MOCOS: variants seen among roughly 807,000 people sequenced by gnomAD.
MOCOS encodes the protein molybdenum cofactor sulfurase, also known as human molybdenum cofactor sulfurase.
MOCOS carries 86 observed loss-of-function variants against 83.6 expected under a neutral mutation model. The observed-to-expected ratio is 1.03, with a 90% confidence interval of 0.86 to 1.23. The LOEUF (loss-of-function observed/expected upper bound fraction) is 1.23. Among genes scored for constraint, MOCOS ranks in the 50% most tolerant of loss-of-function variants. The probability of loss-of-function intolerance (pLI) is 0.00; values close to 1 mark genes in which losing one functional copy is unlikely to be tolerated. For missense variants in MOCOS, 1,120 were observed against 1,126.9 expected, an observed-to-expected ratio of 0.99 and a Z score of 0.09; for synonymous variants, 445 against 434.7, an observed-to-expected ratio of 1.02 and a Z score of -0.29.
intron 9 of MOCOS, among the ~76,000 whole-genome samples, chr18:36,243,366 TAATCACA>T (rs1476131705): frequency 6.6e-6 from 1 of 152,200 alleles, no homozygotes; most frequent in Non-Finnish European, 1.5e-5. Flanking sequence ...TCTATTGAGA[TAATCACA>T]TGATTTTTGT....
At chr18:36,209,029 T>C (rs989995452) in intron 6 of MOCOS, among the ~76,000 whole-genome samples, 1 of 152,218 alleles carries the variant, frequency 6.6e-6, no homozygotes, top group African/African-American at 2.4e-5. Flanking sequence ...TATAAGCCTT[T>C]TCTGTGTCTA....
intron 6 of MOCOS, among the ~76,000 whole-genome samples, chr18:36,206,693 GT>G (rs2091436262): frequency 6.6e-6 from 1 of 152,158 alleles, no homozygotes; most frequent in African/African-American, 2.4e-5. Flanking sequence ...TTGTGTCCAT[GT>G]GTACTCAATG....
intron 6 of MOCOS, among the ~76,000 whole-genome samples, chr18:36,211,061 G>A (rs574429473): frequency 9.2e-5 from 14 of 151,934 alleles, no homozygotes; most frequent in Admixed American, 2.6e-4. Flanking sequence ...TTGTGTGAAT[G>A]GATTCTGTGG....
Position 36,198,633 on chromosome 18 carries a change from C to T in MOCOS, c.233-57C>T, listed in dbSNP as rs942172497. ...ACTGAGGGAGTGGATTCAGAAGGAA[C>T]ACAAAAGAAGCGACCCTAAGTAGTG... On this transcript the variant is annotated intron_variant, in intron 2 of 14. Transcript: ENST00000261326. 7 of 1,557,306 alleles carry T rather than the reference C, an allele frequency of 4.5e-6. No homozygotes were observed. The African/African-American group carries it at 9.5e-5, about 21-fold the overall frequency.
chr18:36,190,869 T>C (rs2091362255), intron 1 of MOCOS, among the ~76,000 whole-genome samples: 1 of 151,864 alleles, frequency 6.6e-6, no homozygotes, highest in Admixed American at 6.6e-5. Context: ...ACCCAGTCTC[T>C]ACTAAAAATA....
At chr18:36,254,454 ATC>A (rs1278501632) in intron 11 of MOCOS, among the ~76,000 whole-genome samples, 1,202 of 98,846 alleles carry the variant, frequency 0.012, 22 homozygotes, top group African/African-American at 0.049. Context: ...AAAATACATT[ATC>A]TCTGTGTGTG....
At chr18:36,218,267 C>A (rs2091482388) in intron 8 of MOCOS, among the ~76,000 whole-genome samples, 1 of 151,930 alleles carries the variant, frequency 6.6e-6, no homozygotes, top group Admixed American at 6.6e-5. Flanking sequence ...GATACCTATA[C>A]CCACCTAACT....
chr18:36,253,096 A>G (rs936224503), intron 11 of MOCOS, among the ~76,000 whole-genome samples: 1 of 152,192 alleles, frequency 6.6e-6, no homozygotes, highest in Non-Finnish European at 1.5e-5. Flanking sequence ...CTTGTAAATT[A>G]TCTGGAGAAG....
intron 4 of MOCOS, among the ~76,000 whole-genome samples, chr18:36,201,498 C>A (rs1448008119): frequency 6.6e-6 from 1 of 151,780 alleles, no homozygotes; most frequent in Non-Finnish European, 1.5e-5. Context: ...TCCGTCTCTA[C>A]TAAAAACACA....
intron 9 of MOCOS, among the ~76,000 whole-genome samples, chr18:36,237,864 A>G (rs1418508349): frequency 3.3e-5 from 5 of 149,576 alleles, no homozygotes; most frequent in African/African-American, 9.9e-5. Context: ...GTCTTGGGAG[A>G]GTGTATGTGT....
At chr18:36,251,734 C>T (rs1362736180) in intron 11 of MOCOS, among the ~76,000 whole-genome samples, 2 of 152,200 alleles carry the variant, frequency 1.3e-5, no homozygotes, top group African/African-American at 2.4e-5. Flanking sequence ...CTCAGACTTT[C>T]AAAAGTTTCC....
Position 36,213,434 on chromosome 18 carries a change from C to A in MOCOS, c.1287C>A (p.Cys429Ter). ...GCTGCTTCTGTAACACTGGGGCCTG[C>A]CAGAGGCACCTGGGCATAAGCAACG... ...RTGCFCNTGA[C>*]QRHLGISNEM... is the part of the protein sequence containing the mutation. The change falls in exon 7 of 15, where the codon TGC becomes TGA. Residue 429 changes from cysteine (C) to a stop codon, truncating the protein, a stop_gained. Transcript: ENST00000261326. LOFTEE classifies it high-confidence loss of function. 1 of 1,614,060 alleles carries A rather than the reference C, an allele frequency of 6.2e-7. No individual in the cohort carries two copies. The highest frequency in any genetic ancestry group is 8.5e-7 in the Non-Finnish European group (1 of 1,180,028).
At chr18:36,250,241 C>T (rs911911048) in intron 10 of MOCOS, among the ~76,000 whole-genome samples, 1 of 152,188 alleles carries the variant, frequency 6.6e-6, no homozygotes, top group Non-Finnish European at 1.5e-5. Context: ...CCAGTTAACA[C>T]AATGCACTCA....
chr18:36,222,620 G>A (rs75870356), intron 9 of MOCOS, among the ~76,000 whole-genome samples: 3 of 119,276 alleles, frequency 2.5e-5, no homozygotes, highest in African/African-American at 9.2e-5. Flanking sequence ...TTTTTTTTTA[G>A]AGACAGAGCC....
At chr18:36,253,868 G>A (rs778389819) in intron 11 of MOCOS, among the ~76,000 whole-genome samples, 10 of 152,112 alleles carry the variant, frequency 6.6e-5, no homozygotes, top group Middle Eastern at 6.8e-3. Flanking sequence ...CTGTGGCTGC[G>A]GAACTCACTG....
intron 2 of MOCOS, 57 bp downstream of exon 2, chr18:36,195,403 T>G: frequency 1.4e-6 from 2 of 1,431,504 alleles, no homozygotes; most frequent in South Asian, 2.3e-5. Flanking sequence ...GATATACCTG[T>G]GCATGTTAAA....
At chr18:36,241,280 G>T (rs1409983043) in intron 9 of MOCOS, among the ~76,000 whole-genome samples, 1 of 152,154 alleles carries the variant, frequency 6.6e-6, no homozygotes, top group African/African-American at 2.4e-5. Flanking sequence ...AAACAAGTTA[G>T]TTCCTTCCAA....
At chr18:36,190,591 A>G (rs1015511495) in intron 1 of MOCOS, among the ~76,000 whole-genome samples, 3 of 151,926 alleles carry the variant, frequency 2.0e-5, no homozygotes, top group Non-Finnish European at 2.9e-5. Context: ...TCTACAAAAT[A>G]TACAAAAATT....
intron 9 of MOCOS, among the ~76,000 whole-genome samples, chr18:36,237,385 A>T (rs1264104984): frequency 1.3e-5 from 2 of 152,138 alleles, no homozygotes; most frequent in African/African-American, 4.8e-5. Context: ...ATCTATTGAG[A>T]TAATCATGTG....
Sources: allele counts gnomAD v4.1 joint callset (sites outside exome capture counted in the v4.1 genomes callset), GRCh38; gene constraint gnomAD v4.1.1; transcripts MANE v1.5; gene names NCBI Gene and HGNC (gene_info 2026-07-23, HGNC 2026-07-21).